C21orf58: variants seen among roughly 807,000 people sequenced by gnomAD.
C21orf58 encodes the protein uncharacterized protein C21orf58.
A neutral mutation model predicts 35.8 loss-of-function variants in C21orf58; 34 were observed. The ratio of observed to expected loss-of-function variants is 0.95; its 90% CI spans 0.72 to 1.26. The LOEUF is 1.26. C21orf58 is among the 50% of genes most tolerant of loss of function. The pLI, the probability that C21orf58 is intolerant of heterozygous loss-of-function variation, is 0.00. For missense variants in C21orf58, 440 were observed against 414.3 expected, an observed-to-expected ratio of 1.06 and a Z score of -0.54; for synonymous variants, 191 against 175.8, an observed-to-expected ratio of 1.09 and a Z score of -0.68.
Position 46,314,888 on chromosome 21 carries a change from G to C in C21orf58, c.445-8C>G. The C allele has an allele frequency of 6.4e-7, 1 of 1,550,406 alleles. No homozygotes were observed. Among genetic ancestry groups the C allele is most frequent in the Non-Finnish European group, 8.7e-7 (1 of 1,146,922 alleles). On this transcript the variant is annotated splice_region_variant and splice_polypyrimidine_tract_variant and intron_variant, in intron 4 of 7. Coordinates refer to ENST00000291691, the MANE Select transcript of C21orf58 (RefSeq NM_058180.5). Reference sequence around the variant, plus strand: ...GTCCAGGAGGTGTTGTTCCTGCAAGGCCGATGCAGAGCTGCTGCACACGGG... The same window carrying C: ...GTCCAGGAGGTGTTGTTCCTGCAAGCCCGATGCAGAGCTGCTGCACACGGG...
chr21:46,309,608 T>C (rs1293024214), intron 6 of C21orf58, among the ~76,000 whole-genome samples: 1 of 152,158 alleles, frequency 6.6e-6, no homozygotes, highest in Non-Finnish European at 1.5e-5. Flanking sequence ...CATTTATTGA[T>C]ACACCCAACG....
intron 1 of C21orf58, among the ~76,000 whole-genome samples, chr21:46,321,900 G>A: frequency 9.7e-6 from 1 of 103,296 alleles, no homozygotes; most frequent in East Asian, 2.3e-4. Flanking sequence ...TATCTGGGCA[G>A]CTTTTTTTTT....
In C21orf58 at chr21:46,301,814, G is replaced by T; in HGVS notation, c.*185C>A. ...GGAGCAAGGGATGCCCCCTGGAATG[G>T]CCCCGTGACCAGAAAGCGAGCCTGC... On this transcript the variant is annotated 3_prime_UTR_variant, in exon 8 of 8. Transcript: ENST00000291691. 1 of 1,258,608 alleles carries T rather than the reference G, an allele frequency of 7.9e-7. No individual in the cohort carries two copies. Among genetic ancestry groups the T allele is most frequent in the South Asian group, 3.3e-5 (1 of 30,708 alleles). The allele number at this position is 1,258,608 out of a possible 1,614,324, so 78.0% of individuals were successfully genotyped here. A position where few individuals can be genotyped will look rare whatever the true frequency, so the allele number is the denominator to read the frequency against.
rs555395853 is a variant in C21orf58 at position 46,317,422 on chromosome 21, G to A, written c.310-154C>T. On this transcript the variant is annotated intron_variant, in intron 2 of 7. Transcript: ENST00000291691. ...CAACAGGCGGGAGTCAAGCCCCTCC[G>A]AGGATCTCCCTGAGCTGCCTCTGTA... is the stretch of plus-strand genomic sequence containing the variant. 5.5e-4 allele frequency: 734 copies of A among 1,340,496 alleles called. 1 individual carries two copies. Among genetic ancestry groups the A allele is most frequent in the Middle Eastern group, 1.2e-3 (6 of 4,946 alleles). 83.0% of individuals were successfully genotyped at this position (1,340,496 alleles called of 1,614,324 possible).
intron 6 of C21orf58, 42 bp from the exon 7 acceptor site, chr21:46,302,618 T>G: frequency 6.7e-7 from 1 of 1,494,698 alleles, no homozygotes; most frequent in Non-Finnish European, 9.2e-7. Context: ...AAGTTTCCGT[T>G]TTTCCTATTT....
At chr21:46,310,139 C>G (rs2082609218) in intron 6 of C21orf58, among the ~76,000 whole-genome samples, 1 of 152,106 alleles carries the variant, frequency 6.6e-6, no homozygotes, top group Non-Finnish European at 1.5e-5. Context: ...TGGATATGCT[C>G]AGTCTTGATT....
At position 46,322,864 on chromosome 21, in the gene C21orf58, T is replaced by G; in HGVS notation, c.-126A>C. 1.6e-6 allele frequency: 1 copy of G among 616,748 alleles called. No homozygotes were observed. Among genetic ancestry groups the G allele is most frequent in the Non-Finnish European group, 2.6e-6 (1 of 386,236 alleles). The allele number at this position is 616,748 out of a possible 1,614,324, so 38.2% of individuals were successfully genotyped here. On this transcript the variant is annotated 5_prime_UTR_variant, in exon 1 of 8. Coordinates refer to ENST00000291691, the MANE Select transcript of C21orf58 (RefSeq NM_058180.5). ...TGCTGAGGAGGCTGCAAGGTGAGCT[T>G]GCGTCAGCGAGGAGCCACTCCAGCA... is the stretch of plus-strand genomic sequence containing the variant.
intron 5 of C21orf58, among the ~76,000 whole-genome samples, chr21:46,312,240 T>C (rs2082762674): frequency 1.3e-5 from 2 of 152,202 alleles, no homozygotes; most frequent in African/African-American, 4.8e-5. Context: ...GTTTCCCACA[T>C]TTCCTGTCTT....
intron 6 of C21orf58, among the ~76,000 whole-genome samples, chr21:46,305,762 AC>A (rs1385994485): frequency 1.3e-5 from 2 of 151,336 alleles, no homozygotes; most frequent in African/African-American, 4.9e-5. Context: ...ACACGGTGAA[AC>A]CCCGTCTCTA....
intron 6 of C21orf58, among the ~76,000 whole-genome samples, chr21:46,303,659 A>G (rs1436622027): frequency 7.2e-6 from 1 of 138,868 alleles, no homozygotes; most frequent in Non-Finnish European, 1.5e-5. Flanking sequence ...GACACCAGTC[A>G]TAGCAAGACC....
intron 6 of C21orf58, among the ~76,000 whole-genome samples, chr21:46,307,944 T>C (rs1002323153): frequency 6.6e-6 from 1 of 152,160 alleles, no homozygotes; most frequent in Non-Finnish European, 1.5e-5. Context: ...TCACAAACAT[T>C]ACTAGTGAGA....
Position 46,304,421 on chromosome 21 carries a change from G to A in C21orf58, c.722-1845C>T, listed in dbSNP as rs571509946. ...AGGAGTGCTTGAGCCCAGAAGTTGA[G>A]GCTGCAGCGAGGTATGATTGCACCA... On this transcript the variant is annotated intron_variant, in intron 6 of 7. Transcript: ENST00000291691. Among the ~76,000 whole-genome samples the A allele has an allele frequency of 2.6e-5, 4 of 151,852 alleles. No homozygotes were observed. In the East Asian group the frequency reaches 7.8e-4, roughly 30 times the overall value.
In C21orf58 at chr21:46,311,479, T is replaced by G; in HGVS notation, c.698A>C (p.Gln233Pro). 1.2e-6 allele frequency: 2 copies of G among 1,605,098 alleles called. No individual in the cohort carries two copies. Among genetic ancestry groups the G allele is most frequent in the Non-Finnish European group, 8.5e-7 (1 of 1,173,744 alleles). ...ACCTTCCTTAATACTTCCTGACCGT[T>G]GAGTAGGGAAGGCCTGGGGAGGAGG... ...QIPPPQAFPT[Q>P]RSGSIKEDMV... Residue 233 changes from glutamine (Q) to proline (P), a missense_variant, in exon 6 of 8, where the codon CAA (glutamine) becomes CCA (proline). Transcript: ENST00000291691.
Position 46,302,488 on chromosome 21 carries a change from C to G in C21orf58, c.810G>C (p.Leu270=), listed in dbSNP as rs754557352. The G allele has an allele frequency of 6.2e-7, 1 of 1,606,734 alleles. No individual in the cohort carries two copies. Among genetic ancestry groups the G allele is most frequent in the Admixed American group, 1.7e-5 (1 of 59,438 alleles). ...TTCTGCTGGGGGCTAAGCCTACCTG[C>G]AGGGCTGGGGGCAGGGCCTTGAGCA... ...NWMLKALPPA[L]QDPPHVPPRV... Residue 270 remains leucine (L), a synonymous_variant, in exon 7 of 8, where the codon CTG becomes CTC. Coordinates refer to ENST00000291691, the MANE Select transcript of C21orf58 (RefSeq NM_058180.5).
chr21:46,309,667 AAG>A (rs1319857117), intron 6 of C21orf58, among the ~76,000 whole-genome samples: 1 of 151,794 alleles, frequency 6.6e-6, no homozygotes, highest in Non-Finnish European at 1.5e-5. Flanking sequence ...CATACAAAAA[AAG>A]AGTACATACT....
Position 46,319,599 on chromosome 21 carries a change from T to TA in C21orf58, c.101-1380dup, listed in dbSNP as rs548977008. ...ACAACACAACAAGACCCCATCTCTA[T>TA]AAAAAATAATAAAAAAGGGCCAGGT... On this transcript the variant is annotated intron_variant, in intron 1 of 7. Transcript: ENST00000291691. Among the ~76,000 whole-genome samples the TA allele has an allele frequency of 2.4e-4, 36 of 152,046 alleles. No individual in the cohort carries two copies. In the East Asian group the frequency reaches 4.6e-3, roughly 20 times the overall value.
At chr21:46,304,496 A>T (rs1401537026) in intron 6 of C21orf58, among the ~76,000 whole-genome samples, 1 of 152,060 alleles carries the variant, frequency 6.6e-6, no homozygotes, top group African/African-American at 2.4e-5. Context: ...TTAGAAAAAA[A>T]AAAACCTCAA....
chr21:46,308,248 G>A (rs548145788), intron 6 of C21orf58, among the ~76,000 whole-genome samples: 50 of 152,136 alleles, frequency 3.3e-4, no homozygotes, highest in Non-Finnish European at 6.5e-4. Flanking sequence ...AGATCACGAG[G>A]TCAGGAGTTC....
At chr21:46,307,984 G>A (rs961230060) in intron 6 of C21orf58, among the ~76,000 whole-genome samples, 1 of 152,014 alleles carries the variant, frequency 6.6e-6, no homozygotes, top group Admixed American at 6.6e-5. Context: ...CTAGATAACA[G>A]TTTGGCAGTT....
Sources: gnomAD v4.1 joint callset for allele counts (sites outside exome capture counted in the v4.1 genomes callset) on GRCh38, gnomAD v4.1.1 for gene constraint, MANE v1.5 for transcripts, NCBI Gene and HGNC (gene_info 2026-07-23, HGNC 2026-07-21) for gene names.